The following IQUB variants were observed in gnomAD, a reference collection of about 807,000 sequenced individuals.
The protein encoded by IQUB is IQ motif and ubiquitin domain containing, also known as IQ motif and ubiquitin-like domain-containing protein.
In IQUB, 86 loss-of-function variants were observed where a neutral mutation model predicts 86.4. The observed-to-expected ratio is 1.00, with a 90% confidence interval of 0.84 to 1.19. IQUB has a LOEUF of 1.19. IQUB is among the 50% of genes most tolerant of loss of function. The pLI, the probability that IQUB is intolerant of heterozygous loss-of-function variation, is 0.00. For missense variants in IQUB, 946 were observed against 916.9 expected (o/e 1.03, Z -0.41); for synonymous variants, 289 against 304.5 (o/e 0.95, Z 0.53).
intron 12 of IQUB, chr7:123,456,576 A>G (rs924396706): frequency 6.6e-6 from 1 of 152,028 alleles, no homozygotes; most frequent in African/African-American, 2.4e-5. Context: ...AGGGAATCAC[A>G]CTATTTTAAA....
chr7:123,502,539 GAAC>G, intron 6 of IQUB, 55 bp downstream of exon 6: 1 of 1,478,126 alleles, frequency 6.8e-7, no homozygotes, highest in East Asian at 2.3e-5. Flanking sequence ...GACACACTCG[GAAC>G]AACTGGCTTA....
intron 10 of IQUB, among the ~76,000 whole-genome samples, chr7:123,464,265 G>C (rs993048437): frequency 6.6e-6 from 1 of 151,850 alleles, no homozygotes; most frequent in African/African-American, 2.4e-5. Context: ...GCCTAACGAC[G>C]CTGGAGTTGG....
intron 7 of IQUB, among the ~76,000 whole-genome samples, chr7:123,488,149 C>T (rs1192875139): frequency 2.0e-5 from 3 of 151,468 alleles, no homozygotes; most frequent in Non-Finnish European, 2.9e-5. Context: ...ATCGAGACCA[C>T]GGTGAAACCC....
At chr7:123,453,004 C>T (rs1485949394) in intron 12 of IQUB, 79 bp from the exon 13 acceptor site, 11 of 1,049,520 alleles carry the variant, frequency 1.0e-5, no homozygotes, top group African/African-American at 3.2e-5. Flanking sequence ...GCCTCGGTGC[C>T]TTTGCTTGTC....
intron 1 of IQUB, among the ~76,000 whole-genome samples, chr7:123,528,282 C>T (rs141398916): frequency 8.5e-5 from 13 of 152,304 alleles, no homozygotes; most frequent in Non-Finnish European, 1.6e-4. Flanking sequence ...TCTTCTGCGT[C>T]GCTCACGCTG....
chr7:123,471,122 G>C (rs1794503338), intron 8 of IQUB, among the ~76,000 whole-genome samples: 1 of 152,060 alleles, frequency 6.6e-6, no homozygotes, highest in African/African-American at 2.4e-5. Flanking sequence ...TAAATGAGAA[G>C]CTGCAGCCCT....
intron 3 of IQUB, 45 bp downstream of exon 3, chr7:123,509,856 A>G (rs1796340623): frequency 6.6e-7 from 1 of 1,515,014 alleles, no homozygotes; most frequent in African/African-American, 1.4e-5. Context: ...TTTACATGTT[A>G]AAACTAGAAA....
intron 1 of IQUB, among the ~76,000 whole-genome samples, chr7:123,516,025 G>A (rs12535137): frequency 0.1 from 15,558 of 152,212 alleles, 1,052 homozygotes; most frequent in Middle Eastern, 0.17. Context: ...TTATTAAAAT[G>A]TATAGCACTG....
intron 1 of IQUB, chr7:123,533,085 T>C (rs1057120959): frequency 1.3e-5 from 2 of 152,206 alleles, no homozygotes; most frequent in Non-Finnish European, 2.9e-5. Flanking sequence ...CCGCCGCCGA[T>C]AGCCCCACAA....
At chr7:123,467,131 T>G (rs1463142237) in intron 9 of IQUB, among the ~76,000 whole-genome samples, 1 of 151,244 alleles carries the variant, frequency 6.6e-6, no homozygotes, top group Non-Finnish European at 1.5e-5. Flanking sequence ...ATAATATAAA[T>G]TATTTAATTT....
At chr7:123,472,337 C>T (rs1794562733) in intron 8 of IQUB, among the ~76,000 whole-genome samples, 1 of 152,012 alleles carries the variant, frequency 6.6e-6, no homozygotes, top group South Asian at 2.1e-4. Flanking sequence ...GTCTACAATA[C>T]TCTTTCATTC....
intron 8 of IQUB, among the ~76,000 whole-genome samples, chr7:123,469,809 C>A (rs1794443458): frequency 6.6e-6 from 1 of 151,852 alleles, no homozygotes; most frequent in East Asian, 1.9e-4. Context: ...TATATTTAGA[C>A]CTAAAGATAT....
chr7:123,462,741 T>A, intron 10 of IQUB: 2 of 427,522 alleles, frequency 4.7e-6, no homozygotes, highest in South Asian at 1.7e-5. Context: ...TTAGCAAATA[T>A]ATCAGTCAAC....
chr7:123,503,141 T>C (rs753342696), intron 4 of IQUB, 25 bp from the exon 5 acceptor site: 3 of 1,609,876 alleles, frequency 1.9e-6, no homozygotes, highest in Non-Finnish European at 2.5e-6. Context: ...CAAGATTCAA[T>C]GAAAGCTCAA....
intron 8 of IQUB, among the ~76,000 whole-genome samples, chr7:123,471,661 T>C (rs1316140960): frequency 2.0e-5 from 3 of 152,198 alleles, no homozygotes; most frequent in East Asian, 3.8e-4. Context: ...CTAACAAATA[T>C]AGCATAATGT....
At chr7:123,507,566 C>T (rs895371620) in intron 3 of IQUB, among the ~76,000 whole-genome samples, 2 of 152,094 alleles carry the variant, frequency 1.3e-5, no homozygotes, top group African/African-American at 2.4e-5. Context: ...CTACTTCACA[C>T]CCTAAATTCT....
Position 123,457,584 on chromosome 7 carries a change from T to C in IQUB, c.2008-18A>G. On this transcript the variant is annotated intron_variant, in intron 11 of 12. Coordinates refer to ENST00000324698, the MANE Select transcript of IQUB (RefSeq NM_178827.5). The stretch of plus-strand genomic sequence containing the variant: ...TCTTGTAGCTGCATGTCAAAGCAAG[T>C]TTTAAAAACAATGTAGTTTAAATTT... 6.3e-7 allele frequency: 1 copy of C among 1,575,296 alleles called. No homozygotes were observed. Among genetic ancestry groups the C allele is most frequent in the Non-Finnish European group, 8.6e-7 (1 of 1,160,164 alleles).
At chr7:123,506,123 T>G (rs1361577482) in intron 3 of IQUB, among the ~76,000 whole-genome samples, 5 of 152,180 alleles carry the variant, frequency 3.3e-5, no homozygotes, top group African/African-American at 1.2e-4. Context: ...CGTGTGACCT[T>G]TACTCCAGTT....
intron 2 of IQUB, 106 bp downstream of exon 2, chr7:123,511,838 G>A (rs1796427193): frequency 1.2e-6 from 1 of 804,562 alleles, no homozygotes; most frequent in Non-Finnish European, 1.9e-6. Context: ...AAAGGGAAAG[G>A]AATATCAAAT....
Sources: allele counts gnomAD v4.1 joint callset (sites outside exome capture counted in the v4.1 genomes callset), GRCh38; gene constraint gnomAD v4.1.1; transcripts MANE v1.5; gene names NCBI Gene and HGNC (gene_info 2026-07-23, HGNC 2026-07-21).